The following TMED5 variants were observed in gnomAD, a reference collection of about 807,000 sequenced individuals.
TMED5 encodes transmembrane p24 trafficking protein 5.
TMED5 carries 27 observed loss-of-function variants against 23.0 expected under a neutral mutation model. That is an observed-to-expected ratio of 1.17 (90% CI 0.86 to 1.62). TMED5 has a LOEUF of 1.62. TMED5 is among the 40% of genes most tolerant of loss of function. The pLI is 0.00. For synonymous variants in TMED5, 97 were observed against 100.8 expected (o/e 0.96, Z 0.23); for missense variants, 248 against 273.7 (o/e 0.91, Z 0.66).
chr1:93,169,481 T>C (rs1381215078), intron 1 of TMED5, among the ~76,000 whole-genome samples: 4 of 151,532 alleles, frequency 2.6e-5, no homozygotes, highest in African/African-American at 9.7e-5. Context: ...AAATCAATAA[T>C]GTAGACATCC....
rs1405682698 is a variant in TMED5 at position 93,150,033 on chromosome 1, T to G, written c.*4637A>C. On this transcript the variant is annotated 3_prime_UTR_variant, in exon 4 of 4. Transcript: ENST00000370282. ...ACTAATATGTTTCAGCTATAAATAC[T>G]TCTAACATTTCACATGTATATTTAT... is the stretch of plus-strand genomic sequence containing the variant. 6.6e-6 allele frequency: 1 copy of G among 152,186 alleles called. No homozygotes were observed. The highest frequency in any genetic ancestry group is 1.9e-4 in the East Asian group (1 of 5,200). The allele number at this position is 152,186 out of a possible 1,614,324, so 9.4% of individuals were successfully genotyped here. A position where few individuals can be genotyped will look rare whatever the true frequency, so the allele number is the denominator to read the frequency against.
At chr1:93,170,616 G>A (rs1431077838) in intron 1 of TMED5, among the ~76,000 whole-genome samples, 3 of 152,230 alleles carry the variant, frequency 2.0e-5, no homozygotes, top group East Asian at 1.9e-4. Context: ...GAGTGCAGGC[G>A]CACGGCATGG....
At chr1:93,175,011 T>C (rs998569336) in intron 1 of TMED5, among the ~76,000 whole-genome samples, 1 of 148,220 alleles carries the variant, frequency 6.7e-6, no homozygotes, top group African/African-American at 2.5e-5. Context: ...TACCCAGTAA[T>C]GGGATTGCTG....
Position 93,156,357 on chromosome 1 carries a change from ATCT to A in TMED5, c.411_413del (p.Glu137del), listed in dbSNP as rs905016629. ...CTGTGCCAGTAATATATTTCTTCCA[ATCT>A]TCTTGTTCTTGTGCCTGTTCTCCCA... On this transcript the variant is annotated inframe_deletion, in exon 3 of 4. Coordinates refer to ENST00000370282, the MANE Select transcript of TMED5 (RefSeq NM_016040.5). The A allele has an allele frequency of 3.1e-6, 5 of 1,613,848 alleles. No homozygotes were observed. Among genetic ancestry groups the A allele is most frequent in the Non-Finnish European group, 3.4e-6 (4 of 1,179,954 alleles).
intron 1 of TMED5, chr1:93,162,300 CAATT>C (rs1648308472): frequency 6.6e-6 from 1 of 152,084 alleles, no homozygotes; most frequent in Non-Finnish European, 1.5e-5. Context: ...AGACATGTAA[CAATT>C]AAAATCTATA....
chr1:93,172,963 T>A (rs1055272714), intron 1 of TMED5, among the ~76,000 whole-genome samples: 3 of 152,192 alleles, frequency 2.0e-5, no homozygotes, highest in African/African-American at 7.2e-5. Context: ...AAATACTGCA[T>A]TATCTCATAT....
At chr1:93,156,538 A>G (rs1308932263) in intron 2 of TMED5, 55 bp from the exon 3 acceptor site, 4 of 1,418,926 alleles carry the variant, frequency 2.8e-6, no homozygotes, top group Non-Finnish European at 3.9e-6. Context: ...TTGTGATGAA[A>G]AGCAACTAAA....
At chr1:93,164,360 T>A (rs901305932) in intron 1 of TMED5, among the ~76,000 whole-genome samples, 1 of 152,104 alleles carries the variant, frequency 6.6e-6, no homozygotes, top group Non-Finnish European at 1.5e-5. Flanking sequence ...TGAGGACAGG[T>A]CATGAAGCTT....
chr1:93,168,030 A>C (rs928426543), intron 1 of TMED5, among the ~76,000 whole-genome samples: 7 of 152,192 alleles, frequency 4.6e-5, no homozygotes, highest in African/African-American at 1.7e-4. Flanking sequence ...TTTGTCCTTC[A>C]TTCTGTTGAT....
intron 1 of TMED5, among the ~76,000 whole-genome samples, chr1:93,172,699 TC>T (rs941118930): frequency 5.3e-5 from 8 of 152,068 alleles, no homozygotes; most frequent in Non-Finnish European, 1.0e-4. Context: ...ATATGGTGGT[TC>T]CTCAAAAAAC....
chr1:93,159,554 A>G (rs1050438799), intron 2 of TMED5, among the ~76,000 whole-genome samples: 8 of 152,168 alleles, frequency 5.3e-5, no homozygotes, highest in African/African-American at 1.4e-4. Flanking sequence ...AGAAGAATAT[A>G]TGGTCTTTTG....
chr1:93,178,645 T>C (rs1320866956), intron 1 of TMED5, among the ~76,000 whole-genome samples: 1 of 152,192 alleles, frequency 6.6e-6, no homozygotes, highest in African/African-American at 2.4e-5. Context: ...TCAGTAAATG[T>C]TGAACTTTTG....
intron 1 of TMED5, among the ~76,000 whole-genome samples, chr1:93,172,384 T>C (rs764138481): frequency 2.6e-5 from 4 of 151,850 alleles, no homozygotes; most frequent in Non-Finnish European, 5.9e-5. Context: ...TAACATACAA[T>C]AGTCAACTGC....
At position 93,151,053 on chromosome 1, in the gene TMED5, CT is replaced by C. The variant is rs1379469471; in HGVS notation, c.*3616del. ...TTTTCCCTGCCCTGCATTTTCTTGC[CT>C]TTTTCTTTCAGATGCAGGGATCCAG... On this transcript the variant is annotated 3_prime_UTR_variant, in exon 4 of 4. Transcript: ENST00000370282. The C allele has an allele frequency of 6.6e-6, 1 of 152,180 alleles. No individual in the cohort carries two copies. The highest frequency in any genetic ancestry group is 1.5e-5 in the Non-Finnish European group (1 of 68,034). The allele number at this position is 152,180 out of a possible 1,614,324, so 9.4% of individuals were successfully genotyped here.
chr1:93,153,101 A>T lies in TMED5; in HGVS notation c.*1569T>A, dbSNP rs371216362. On this transcript the variant is annotated 3_prime_UTR_variant, in exon 4 of 4. Coordinates refer to ENST00000370282, the MANE Select transcript of TMED5 (RefSeq NM_016040.5). ...TTACTAACCTGTTGAGGGGTTCTATACCCCAAATTTTAAGTTTGTTTCTAA... is the reference window on the plus strand; with the variant it reads ...TTACTAACCTGTTGAGGGGTTCTATTCCCCAAATTTTAAGTTTGTTTCTAA... The T allele has an allele frequency of 6.6e-6, 1 of 152,550 alleles. No homozygotes were observed. The highest frequency in any genetic ancestry group is 1.5e-5 in the Non-Finnish European group (1 of 67,988). The allele number at this position is 152,550 out of a possible 1,614,324, so 9.4% of individuals were successfully genotyped here.
intron 1 of TMED5, among the ~76,000 whole-genome samples, chr1:93,164,710 T>C (rs1326505596): frequency 6.6e-6 from 1 of 152,140 alleles, no homozygotes; most frequent in East Asian, 1.9e-4. Flanking sequence ...TGGAGGGTCA[T>C]ATCCTCAACC....
In TMED5 at chr1:93,170,547, C is replaced by T. The variant is rs116851417; in HGVS notation, c.189+9507G>A. Among the ~76,000 whole-genome samples, 386 of 152,296 alleles carry T rather than the reference C, an allele frequency of 2.5e-3. 7 individuals carry two copies. The East Asian group carries it at 0.041, about 16-fold the overall frequency. On this transcript the variant is annotated intron_variant, in intron 1 of 3. Transcript: ENST00000370282. ...GGCTCCTGCGCGGCCCAAGCCTCCCCGAAGAGCGCCACTCCCTGCTCCACG... is the reference window on the plus strand; with the variant it reads ...GGCTCCTGCGCGGCCCAAGCCTCCCTGAAGAGCGCCACTCCCTGCTCCACG...
chr1:93,154,737 A>G lies in TMED5; in HGVS notation c.623T>C (p.Val208Ala), dbSNP rs755162990. 1.2e-6 allele frequency: 2 copies of G among 1,614,052 alleles called. No individual in the cohort carries two copies. The highest frequency in any genetic ancestry group is 2.2e-5 in the South Asian group (2 of 91,078). Residue 208 changes from valine (V) to alanine (A), a missense_variant, in exon 4 of 4, where the codon GTG (valine) becomes GCG (alanine). Physicochemically the swap from Val to Ala is moderately conservative, Grantham distance 64. Transcript: ENST00000370282. ...CATATAAACTTGAATGGCTGACACC[A>G]CCACCATGACCACTAAATTAACCAT... ...WSMVNLVVMV[V>A]VSAIQVYMLK...
chr1:93,163,699 G>C (rs528262096), intron 1 of TMED5, among the ~76,000 whole-genome samples: 12 of 151,614 alleles, frequency 7.9e-5, no homozygotes, highest in African/African-American at 1.2e-4. Flanking sequence ...ATCTGGGCCA[G>C]GCATGGTGGC....
Sources: allele counts gnomAD v4.1 joint callset (sites outside exome capture counted in the v4.1 genomes callset), GRCh38; gene constraint gnomAD v4.1.1; transcripts MANE v1.5; gene names NCBI Gene and HGNC (gene_info 2026-07-23, HGNC 2026-07-21).